The following CNTNAP2 variants were observed in gnomAD, a reference collection of about 807,000 sequenced individuals.
CNTNAP2 encodes contactin-associated protein-like 2.
In CNTNAP2, 98 loss-of-function variants were observed where a neutral mutation model predicts 155.2. The ratio of observed to expected loss-of-function variants is 0.63; its 90% confidence interval spans 0.54 to 0.75. The LOEUF (loss-of-function observed/expected upper bound fraction) is 0.75. Ranked by LOEUF, CNTNAP2 falls within the 30% of genes least tolerant of loss-of-function variation. CNTNAP2 has a pLI of 0.00. For missense variants in CNTNAP2, 1,727 were observed against 1,688.1 expected (o/e 1.02, Z -0.40); for synonymous variants, 651 against 631.2 (o/e 1.03, Z -0.47).
chr7:148,101,852 T>C (rs1804108814), intron 15 of CNTNAP2, among the ~76,000 whole-genome samples: 1 of 152,206 alleles, frequency 6.6e-6, no homozygotes, highest in Admixed American at 6.5e-5. Flanking sequence ...TCTTTGCTTT[T>C]TGTTATCATT....
At chr7:146,901,864 A>G (rs1459514020) in intron 3 of CNTNAP2, among the ~76,000 whole-genome samples, 2 of 132,806 alleles carry the variant, frequency 1.5e-5, no homozygotes, top group Non-Finnish European at 3.2e-5. Flanking sequence ...TCTTGCATAT[A>G]TGCTCCTTTT....
intron 12 of CNTNAP2, among the ~76,000 whole-genome samples, chr7:147,629,550 C>T (rs1406098129): frequency 1.3e-5 from 2 of 151,878 alleles, no homozygotes; most frequent in East Asian, 1.9e-4. Context: ...ACACACAGAA[C>T]ATTCTCCAAG....
intron 18 of CNTNAP2, among the ~76,000 whole-genome samples, chr7:148,211,140 G>T (rs1020240775): frequency 6.6e-6 from 1 of 152,196 alleles, no homozygotes; most frequent in Admixed American, 6.5e-5. Context: ...TAATGAGAGT[G>T]ATCATTCTGG....
At chr7:146,291,614 A>G (rs1800430514) in intron 1 of CNTNAP2, among the ~76,000 whole-genome samples, 1 of 152,146 alleles carries the variant, frequency 6.6e-6, no homozygotes, top group Non-Finnish European at 1.5e-5. Context: ...TCAAATCTCA[A>G]CACCTGCTTA....
intron 10 of CNTNAP2, among the ~76,000 whole-genome samples, chr7:147,409,563 A>G (rs1245098041): frequency 6.6e-6 from 1 of 152,206 alleles, no homozygotes; most frequent in African/African-American, 2.4e-5. Flanking sequence ...ATGAAATTAA[A>G]CTAAGGATCC....
chr7:146,331,862 C>T (rs180726130), intron 1 of CNTNAP2, among the ~76,000 whole-genome samples: 265 of 152,182 alleles, frequency 1.7e-3, no homozygotes, highest in African/African-American at 6.1e-3. Context: ...TTATTACATA[C>T]GTGAAGGTGC....
At chr7:148,364,494 C>T (rs531734630) in intron 21 of CNTNAP2, among the ~76,000 whole-genome samples, 1 of 151,960 alleles carries the variant, frequency 6.6e-6, no homozygotes, top group African/African-American at 2.4e-5. Context: ...ATACACCAAT[C>T]GGCACTCTGT....
intron 3 of CNTNAP2, among the ~76,000 whole-genome samples, chr7:147,023,150 A>C (rs1318460968): frequency 6.6e-6 from 1 of 152,186 alleles, no homozygotes; most frequent in East Asian, 1.9e-4. Context: ...GGATATTAAA[A>C]GAGGAAGAAG....
At chr7:147,116,259 T>G (rs1482237629) in intron 5 of CNTNAP2, among the ~76,000 whole-genome samples, 1 of 152,194 alleles carries the variant, frequency 6.6e-6, no homozygotes. Context: ...AGGAAGTGGT[T>G]GGAGACTACT....
intron 1 of CNTNAP2, among the ~76,000 whole-genome samples, chr7:146,168,381 G>A (rs1240629339): frequency 6.6e-6 from 1 of 152,036 alleles, no homozygotes; most frequent in Non-Finnish European, 1.5e-5. Flanking sequence ...TATTATATAT[G>A]AAGGAAAATT....
In CNTNAP2 at chr7:147,775,284, AATATATATATTTATATATATTTATAAAT is replaced by A. The variant is rs1563084420; in HGVS notation, c.2099-128244_2099-128217del. The stretch of plus-strand genomic sequence containing the variant: ...AAATATATTTATATATATATTTATA[AATATATATATTTATATATATTTATAAAT>A]ATATATATATTTATATATATTTATA... On this transcript the variant is annotated intron_variant, in intron 13 of 23. Transcript: ENST00000361727. Among the ~76,000 whole-genome samples, 91 of 81,034 alleles carry A rather than the reference AATATATATATTTATATATATTTATAAAT, an allele frequency of 1.1e-3. 13 individuals are homozygous for A. The highest frequency in any genetic ancestry group is 2.3e-3 in the African/African-American group (42 of 18,196). The allele number at this position is 81,034 out of a possible 152,430, so 53.2% of individuals were successfully genotyped here. A position where few individuals can be genotyped will look rare whatever the true frequency, so the allele number is the denominator to read the frequency against.
At position 147,121,023 on chromosome 7, in the gene CNTNAP2, A is replaced by C. The variant is rs1182595545; in HGVS notation, c.799A>C (p.Thr267Pro). The C allele has an allele frequency of 6.2e-7, 1 of 1,613,900 alleles. No homozygotes were observed. Among genetic ancestry groups the C allele is most frequent in the African/African-American group, 1.3e-5 (1 of 74,924 alleles). Residue 267 changes from threonine (T) to proline (P), a missense_variant, in exon 6 of 24, where the codon ACA becomes CCA. Thr to Pro is a conservative substitution (Grantham distance 38). Coordinates refer to ENST00000361727, the MANE Select transcript of CNTNAP2 (RefSeq NM_014141.6). ...CATATATGGCCACACATCAGTGATGACAGGAAGTTTGCTGGATGACCACCA... is the reference window on the plus strand; with the variant it reads ...CATATATGGCCACACATCAGTGATGCCAGGAAGTTTGCTGGATGACCACCA... ...GPIYGHTSVM[T>P]GSLLDDHHWH...
intron 13 of CNTNAP2, among the ~76,000 whole-genome samples, chr7:147,822,580 A>G (rs1035265250): frequency 7.9e-5 from 12 of 152,138 alleles, no homozygotes; most frequent in African/African-American, 2.9e-4. Flanking sequence ...TTGATATGTA[A>G]TAACAGTTTA....
intron 13 of CNTNAP2, among the ~76,000 whole-genome samples, chr7:147,771,909 T>A (rs191267486): frequency 3.7e-4 from 57 of 152,296 alleles, no homozygotes; most frequent in Admixed American, 5.2e-4. Flanking sequence ...TATATAATAT[T>A]TCTAATTGAA....
chr7:146,464,138 C>T (rs1031628460), intron 1 of CNTNAP2, among the ~76,000 whole-genome samples: 3 of 150,260 alleles, frequency 2.0e-5, no homozygotes, highest in Non-Finnish European at 4.4e-5. Context: ...GTTAATGAAC[C>T]ATCTCAACAG....
chr7:147,061,820 G>A (rs111875079), intron 4 of CNTNAP2, among the ~76,000 whole-genome samples: 7,914 of 151,104 alleles, frequency 0.052, no homozygotes, highest in African/African-American at 0.16. Context: ...TTAGTATTCG[G>A]ATACTAATAA....
chr7:146,650,018 T>A, intron 1 of CNTNAP2, among the ~76,000 whole-genome samples: 1 of 152,136 alleles, frequency 6.6e-6, no homozygotes, highest in Non-Finnish European at 1.5e-5. Flanking sequence ...AAACAAAAGA[T>A]GCTGGAGAGG....
chr7:146,521,626 T>TG, intron 1 of CNTNAP2, among the ~76,000 whole-genome samples: 1 of 152,018 alleles, frequency 6.6e-6, no homozygotes, highest in African/African-American at 2.4e-5. Context: ...AATTTTTGTA[T>TG]TTCTATAGAG....
intron 22 of CNTNAP2, among the ~76,000 whole-genome samples, chr7:148,405,848 T>C (rs533851350): frequency 2.6e-4 from 39 of 151,810 alleles, no homozygotes; most frequent in African/African-American, 8.7e-4. Flanking sequence ...TCTCTTGACC[T>C]CATGATCCAC....
Sources: allele counts gnomAD v4.1 joint callset (sites outside exome capture counted in the v4.1 genomes callset), GRCh38; gene constraint gnomAD v4.1.1; transcripts MANE v1.5; gene names NCBI Gene and HGNC (gene_info 2026-07-23, HGNC 2026-07-21).